AMOTL1: variants seen among roughly 807,000 people sequenced by gnomAD.
The protein encoded by AMOTL1 is angiomotin like 1.
AMOTL1 carries 45 observed loss-of-function variants against 102.9 expected under a neutral mutation model. The ratio of observed to expected loss-of-function variants is 0.44; its 90% confidence interval spans 0.34 to 0.56. The LOEUF (loss-of-function observed/expected upper bound fraction) is 0.56, where lower values mean the gene tolerates loss of function less well. Ranked by LOEUF, AMOTL1 falls within the 20% of genes least tolerant of loss-of-function variation. The probability of loss-of-function intolerance (pLI) is 0.01; values close to 1 mark genes in which losing one functional copy is unlikely to be tolerated. For synonymous variants in AMOTL1, 481 were observed against 484.7 expected (o/e 0.99, Z 0.10); for missense variants, 1,114 against 1,225.6 (o/e 0.91, Z 1.36).
chr11:94,829,500 C>T lies in AMOTL1; in HGVS notation c.1414-550C>T, dbSNP rs368736048. Reference sequence around the variant, plus strand: ...CCTCCCAAAGTGCTGGGATTACAGACGTGAGCCACTGCACCATATAGATAA... The same window carrying T: ...CCTCCCAAAGTGCTGGGATTACAGATGTGAGCCACTGCACCATATAGATAA... On this transcript the variant is annotated intron_variant, in intron 4 of 12. Transcript: ENST00000433060. Among the ~76,000 whole-genome samples, 185 of 152,196 alleles carry T rather than the reference C, an allele frequency of 1.2e-3. 5 individuals are homozygous for T. The South Asian group carries it at 0.036, about 30-fold the overall frequency.
chr11:94,839,028 C>G (rs1054421336), intron 6 of AMOTL1, among the ~76,000 whole-genome samples: 2 of 152,200 alleles, frequency 1.3e-5, no homozygotes, highest in Non-Finnish European at 2.9e-5. Context: ...ATCTGGATAT[C>G]AGATTTGGAG....
intron 3 of AMOTL1, among the ~76,000 whole-genome samples, chr11:94,760,873 A>G (rs1015377495): frequency 6.6e-6 from 1 of 152,166 alleles, no homozygotes; most frequent in Non-Finnish European, 1.5e-5. Context: ...TCCAGGCTGG[A>G]GTGCAATGGT....
intron 2 of AMOTL1, among the ~76,000 whole-genome samples, chr11:94,735,756 G>T (rs188263064): frequency 6.6e-6 from 1 of 152,014 alleles, no homozygotes; most frequent in Admixed American, 6.6e-5. Flanking sequence ...TTTAGTTTGC[G>T]GATGGAGATT....
chr11:94,741,362 A>G (rs1341319444), intron 3 of AMOTL1, among the ~76,000 whole-genome samples: 3 of 152,206 alleles, frequency 2.0e-5, no homozygotes, highest in Non-Finnish European at 2.9e-5. Context: ...GGGAGGACAC[A>G]GCGGCGACTG....
At chr11:94,743,591 G>A (rs1424086744) in intron 3 of AMOTL1, among the ~76,000 whole-genome samples, 2 of 151,100 alleles carry the variant, frequency 1.3e-5, no homozygotes, top group East Asian at 1.9e-4. Context: ...ACTCCTGGCC[G>A]GAATATAAGA....
intron 4 of AMOTL1, among the ~76,000 whole-genome samples, chr11:94,822,381 C>T (rs996890688): frequency 3.9e-5 from 6 of 152,120 alleles, no homozygotes; most frequent in Admixed American, 2.6e-4. Flanking sequence ...GAGTCAAGAT[C>T]GCTCCACTGC....
rs78290788 is a variant in AMOTL1 at position 94,874,202 on chromosome 11, C to A, written c.*3407C>A. ...AATTAGATGCCTCTGTACATGAGAA[C>A]TATTACTGTCTGCAGGTCCATATAG... On this transcript the variant is annotated 3_prime_UTR_variant, in exon 13 of 13. Transcript: ENST00000433060. 2.7e-3 allele frequency: 406 copies of A among 152,358 alleles called. 2 individuals carry two copies. The highest frequency in any genetic ancestry group is 9.4e-3 in the African/African-American group (390 of 41,580). The allele number at this position is 152,358 out of a possible 1,614,324, so 9.4% of individuals were successfully genotyped here.
intron 3 of AMOTL1, among the ~76,000 whole-genome samples, chr11:94,815,019 C>A (rs925214313): frequency 6.6e-6 from 1 of 152,106 alleles, no homozygotes; most frequent in African/African-American, 2.4e-5. Context: ...TACAATCCAG[C>A]CACCAGAAAA....
At position 94,850,053 on chromosome 11, in the gene AMOTL1, C is replaced by G. The variant is rs961435251; in HGVS notation, c.1649-61C>G. On this transcript the variant is annotated intron_variant, in intron 6 of 12. Coordinates refer to ENST00000433060, the MANE Select transcript of AMOTL1 (RefSeq NM_130847.3). ...TAATCCTTGCCAGATGTCGACTGGC[C>G]GTGAGCCCAGAGGGTGTGCAATTTC... 8 of 1,503,702 alleles carry G rather than the reference C, an allele frequency of 5.3e-6. No homozygotes were observed. In the African/African-American group the frequency reaches 1.1e-4, roughly 21 times the overall value. 93.1% of individuals were successfully genotyped at this position (1,503,702 alleles called of 1,614,324 possible). A position where few individuals can be genotyped will look rare whatever the true frequency, so the allele number is the denominator to read the frequency against.
chr11:94,838,474 G>T (rs1952227829), intron 6 of AMOTL1, among the ~76,000 whole-genome samples: 1 of 152,158 alleles, frequency 6.6e-6, no homozygotes, highest in Non-Finnish European at 1.5e-5. Flanking sequence ...GTCTGTCCCT[G>T]TAGCCCCAAA....
At chr11:94,748,731 C>T (rs1383048858) in intron 3 of AMOTL1, among the ~76,000 whole-genome samples, 6 of 152,190 alleles carry the variant, frequency 3.9e-5, no homozygotes, top group Non-Finnish European at 7.3e-5. Flanking sequence ...CATCCTTTAT[C>T]ACTCTTCTCT....
Position 94,866,153 on chromosome 11 carries a change from T to C in AMOTL1, c.2473T>C (p.Trp825Arg). 6.2e-7 allele frequency: 1 copy of C among 1,613,948 alleles called. No homozygotes were observed. Among genetic ancestry groups the C allele is most frequent in the Non-Finnish European group, 8.5e-7 (1 of 1,179,882 alleles). Reference protein sequence around the residue: ...LAEEKKEEKTWKGSIGLLLGK... With the variant: ...LAEEKKEEKTRKGSIGLLLGK... ...TGAGGAAAAGAAGGAAGAGAAGACC[T>C]GGAAGGGGAGCATAGGTGAGCCCCA... Residue 825 changes from tryptophan (W) to arginine (R), a missense_variant, in exon 11 of 13, where the codon TGG (tryptophan) becomes CGG (arginine). Transcript: ENST00000433060.
At chr11:94,707,480 A>G (rs963297118) in intron 1 of AMOTL1, among the ~76,000 whole-genome samples, 3 of 152,136 alleles carry the variant, frequency 2.0e-5, no homozygotes, top group Non-Finnish European at 4.4e-5. Context: ...CCACTGTCAA[A>G]TGAAAATGTT....
upstream of AMOTL1, among the ~76,000 whole-genome samples, chr11:94,767,732 AGTCGCTTACTTTCTTTACCTCTACTC>A (rs146744047): frequency 0.026 from 3,890 of 152,278 alleles, 75 homozygotes; most frequent in Non-Finnish European, 0.038. Flanking sequence ...ATTTTCCCAG[AGTCGCTTACTTTCTTTACCTCTACTC>A]AGGCAGATAA....
At position 94,800,058 on chromosome 11, in the gene AMOTL1, G is replaced by A. The variant is rs1951445186; in HGVS notation, c.868G>A (p.Val290Ile). The change falls in exon 3 of 13, where the codon GTA becomes ATA. Residue 290 changes from valine to isoleucine, a missense_variant. By Grantham distance (29) the Val-to-Ile change is conservative (BLOSUM62 3). Transcript: ENST00000433060. ...CTCGGGGAATGGAAAGGGCTTCAAA[G>A]TAGGAGGGGGGCCCTCCCCTGCCCA... ...PGSGNGKGFKVGGGPSPAQPA... is the reference protein window; with the variant it reads ...PGSGNGKGFKIGGGPSPAQPA... 65 of 1,613,904 alleles carry A rather than the reference G, an allele frequency of 4.0e-5. No homozygotes were observed. The highest frequency in any genetic ancestry group is 5.4e-5 in the Non-Finnish European group (64 of 1,179,896).
chr11:94,821,397 A>C, intron 3 of AMOTL1, 133 bp from the exon 4 acceptor site: 1 of 928,204 alleles, frequency 1.1e-6, no homozygotes, highest in Non-Finnish European at 1.6e-6. Context: ...GAGCACAGTG[A>C]ATACCTCCCA....
intron 1 of AMOTL1, chr11:94,728,902 T>C (rs1950301979): frequency 8.9e-7 from 1 of 1,121,952 alleles, no homozygotes. Context: ...CCCTTTTTTA[T>C]ATTCATTATT....
intron 3 of AMOTL1, among the ~76,000 whole-genome samples, chr11:94,805,543 A>G (rs1215023779): frequency 2.6e-5 from 4 of 152,200 alleles, no homozygotes; most frequent in Non-Finnish European, 5.9e-5. Context: ...CATTTGGAAA[A>G]AGACTAAGAA....
intron 1 of AMOTL1, among the ~76,000 whole-genome samples, chr11:94,788,510 C>T (rs1178604165): frequency 6.6e-6 from 1 of 152,210 alleles, no homozygotes; most frequent in Non-Finnish European, 1.5e-5. Flanking sequence ...GGTTCAATTT[C>T]AGCCCACATA....
Sources: gnomAD v4.1 joint callset for allele counts (sites outside exome capture counted in the v4.1 genomes callset) on GRCh38, gnomAD v4.1.1 for gene constraint, MANE v1.5 for transcripts, NCBI Gene and HGNC (gene_info 2026-07-23, HGNC 2026-07-21) for gene names.